The following NGEF variants were observed in gnomAD, a reference collection of about 807,000 sequenced individuals.
NGEF encodes the protein neuronal guanine nucleotide exchange factor, also known as ephexin-1.
NGEF carries 31 observed loss-of-function variants against 80.9 expected under a neutral mutation model. The observed-to-expected ratio is 0.38, with a 90% CI of 0.29 to 0.52. The LOEUF is 0.52. NGEF is among the 20% of genes least tolerant of loss of function. The pLI, the probability that NGEF is intolerant of heterozygous loss-of-function variation, is 0.84. For synonymous variants in NGEF, 371 were observed against 370.2 expected (o/e 1.00, Z -0.03); for missense variants, 709 against 926.2 (o/e 0.77, Z 3.04).
intron 6 of NGEF, among the ~76,000 whole-genome samples, chr2:232,893,706 C>T (rs993640028): frequency 5.9e-5 from 9 of 152,098 alleles, no homozygotes; most frequent in Non-Finnish European, 1.3e-4. Context: ...ACCCAGGAGG[C>T]GGAGGTTGCC....
At chr2:233,005,406 C>G (rs2106345958) in intron 1 of NGEF, among the ~76,000 whole-genome samples, 1 of 152,362 alleles carries the variant, frequency 6.6e-6, no homozygotes, top group South Asian at 2.1e-4. Context: ...TGCCCAGATT[C>G]TCAGCTGGGA....
At chr2:232,899,640 ATACACGTTCACTCACATTCACT>A in intron 5 of NGEF, among the ~76,000 whole-genome samples, 1 of 139,176 alleles carries the variant, frequency 7.2e-6, no homozygotes, top group African/African-American at 2.6e-5. Flanking sequence ...AGTCACTCAT[ATACACGTTCACTCACATTCACT>A]CACACATGCT....
At chr2:232,999,620 CT>C (rs1282350462) in intron 1 of NGEF, among the ~76,000 whole-genome samples, 1 of 152,254 alleles carries the variant, frequency 6.6e-6, no homozygotes, top group Non-Finnish European at 1.5e-5. Context: ...AGGATTGCAC[CT>C]TCTAGGATGA....
At chr2:232,916,564 C>T (rs908007466) in intron 5 of NGEF, among the ~76,000 whole-genome samples, 1 of 152,106 alleles carries the variant, frequency 6.6e-6, no homozygotes, top group East Asian at 1.9e-4. Context: ...TAAGAACAGG[C>T]ATTGATAGAT....
chr2:233,000,396 C>A (rs1362329753), intron 1 of NGEF, among the ~76,000 whole-genome samples: 2 of 152,132 alleles, frequency 1.3e-5, no homozygotes, highest in African/African-American at 4.8e-5. Flanking sequence ...CGTGCCCAGC[C>A]TCTTCCTCTT....
chr2:232,943,331 A>T lies in NGEF; in HGVS notation c.384-16145T>A, dbSNP rs554617120. ...CCAGGAGAAAAAGAGAGCCGTCTCCACAGGCGTGAGTCAGAGTAATGACAG... is the reference window on the plus strand; with the variant it reads ...CCAGGAGAAAAAGAGAGCCGTCTCCTCAGGCGTGAGTCAGAGTAATGACAG... On this transcript the variant is annotated intron_variant, in intron 3 of 14. Transcript: ENST00000264051. Among the ~76,000 whole-genome samples, 3 of 152,306 alleles carry T rather than the reference A, an allele frequency of 2.0e-5. No homozygotes were observed. In the South Asian group the frequency reaches 6.2e-4, roughly 32 times the overall value.
chr2:233,008,887 ACCTC>A (rs1406715165), intron 1 of NGEF, among the ~76,000 whole-genome samples: 1 of 147,812 alleles, frequency 6.8e-6, no homozygotes, highest in African/African-American at 2.5e-5. Flanking sequence ...TGCAACCTCC[ACCTC>A]CCTGGTTCAA....
At chr2:232,952,367 T>G (rs1693694911) in intron 3 of NGEF, among the ~76,000 whole-genome samples, 1 of 152,264 alleles carries the variant, frequency 6.6e-6, no homozygotes, top group Admixed American at 6.5e-5. Flanking sequence ...CCTGGCAACC[T>G]TGTAGAGTTA....
In NGEF at chr2:232,895,959, T is replaced by C. The variant is rs557855064; in HGVS notation, c.829-1043A>G. ...CAGTTCTGCATCTCATGGGTCATTCTGTAAGGGCAGGTGGCAGATCCCGGC... is the reference window on the plus strand; with the variant it reads ...CAGTTCTGCATCTCATGGGTCATTCCGTAAGGGCAGGTGGCAGATCCCGGC... On this transcript the variant is annotated intron_variant, in intron 5 of 14. Transcript: ENST00000264051. Among the ~76,000 whole-genome samples, 12 of 152,320 alleles carry C rather than the reference T, an allele frequency of 7.9e-5. No homozygotes were observed. In the East Asian group the frequency reaches 2.3e-3, roughly 29 times the overall value.
At chr2:232,928,811 C>T (rs1442899854) in intron 3 of NGEF, among the ~76,000 whole-genome samples, 1 of 152,228 alleles carries the variant, frequency 6.6e-6, no homozygotes, top group African/African-American at 2.4e-5. Context: ...CCCGAAACCT[C>T]TCCTGGGTTG....
chr2:232,933,830 C>G (rs1036820201), intron 3 of NGEF, among the ~76,000 whole-genome samples: 6 of 152,226 alleles, frequency 3.9e-5, no homozygotes, highest in African/African-American at 1.4e-4. Flanking sequence ...TGCTGTCTAG[C>G]CTGCAGTTGC....
At position 232,931,032 on chromosome 2, in the gene NGEF, G is replaced by A. The variant is rs141992438; in HGVS notation, c.384-3846C>T. Among the ~76,000 whole-genome samples, 502 of 152,222 alleles carry A rather than the reference G, an allele frequency of 3.3e-3. 3 individuals carry two copies. The highest frequency in any genetic ancestry group is 5.6e-3 in the Non-Finnish European group (382 of 68,008). ...ATGTGTGAAACTAGAAAAATTCTAT[G>A]TTTCCAAAATACAATGGTGAGACAG... On this transcript the variant is annotated intron_variant, in intron 3 of 14. Coordinates refer to ENST00000264051, the MANE Select transcript of NGEF (RefSeq NM_019850.3).
At chr2:232,943,532 G>C (rs1386303472) in intron 3 of NGEF, among the ~76,000 whole-genome samples, 1 of 138,160 alleles carries the variant, frequency 7.2e-6, no homozygotes. Flanking sequence ...GTCTCACTCT[G>C]TCGCCCAGGC....
At chr2:232,929,788 G>A (rs60049016) in intron 3 of NGEF, among the ~76,000 whole-genome samples, 3 of 152,098 alleles carry the variant, frequency 2.0e-5, no homozygotes, top group East Asian at 1.9e-4. Context: ...GATGTGGTTC[G>A]GCTGTGTCCC....
rs1491148231 is a variant in NGEF, at chr2:232,995,569, T to TATATATACACA, written c.-75+17498_-75+17499insTGTGTATATAT. 1.8e-3 allele frequency among the ~76,000 whole-genome samples: 3 copies of TATATATACACA among 1,714 alleles called. 1 individual carries two copies. In the East Asian group the frequency reaches 0.14, roughly 78 times the overall value. The allele number at this position is 1,714 out of a possible 152,430, so 1.1% of individuals were successfully genotyped here. On this transcript the variant is annotated intron_variant, in intron 1 of 14. Coordinates refer to ENST00000264051, the MANE Select transcript of NGEF (RefSeq NM_019850.3). ...TGTATACTATATACAGTATGTATAC[T>TATATATACACA]GTATATATATATACAGTATGTATAC...
chr2:232,983,013 G>A (rs1309296309), intron 1 of NGEF, among the ~76,000 whole-genome samples: 1 of 152,230 alleles, frequency 6.6e-6, no homozygotes, highest in Admixed American at 6.5e-5. Flanking sequence ...ACCCTTGACA[G>A]TTGTGGAAAA....
chr2:232,916,517 A>C (rs946761172), intron 5 of NGEF, among the ~76,000 whole-genome samples: 1 of 152,240 alleles, frequency 6.6e-6, no homozygotes, highest in Non-Finnish European at 1.5e-5. Flanking sequence ...AATCAAGAAG[A>C]TAAATGTAAA....
chr2:232,911,848 T>G (rs1437519887), intron 5 of NGEF, among the ~76,000 whole-genome samples: 1 of 152,224 alleles, frequency 6.6e-6, no homozygotes, highest in East Asian at 1.9e-4. Context: ...TGTGTTGGCC[T>G]TGTATCTGGC....
intron 5 of NGEF, among the ~76,000 whole-genome samples, chr2:232,905,181 C>A (rs545971324): frequency 1.3e-5 from 2 of 152,184 alleles, no homozygotes; most frequent in African/African-American, 4.8e-5. Context: ...GCTGCCATCT[C>A]GGCTCACTGC....
Sources: allele counts gnomAD v4.1 joint callset (sites outside exome capture counted in the v4.1 genomes callset), GRCh38; gene constraint gnomAD v4.1.1; transcripts MANE v1.5; gene names NCBI Gene and HGNC (gene_info 2026-07-23, HGNC 2026-07-21).